ARAP1: variants seen among roughly 807,000 people sequenced by gnomAD.
The protein encoded by ARAP1 is arf-GAP with Rho-GAP domain, ANK repeat and PH domain-containing protein 1.
In ARAP1, 76 loss-of-function variants were observed where a neutral mutation model predicts 172.2. The observed-to-expected ratio is 0.44, with a 90% CI of 0.37 to 0.53. The LOEUF is 0.53. Ranked by LOEUF, ARAP1 falls within the 20% of genes least tolerant of loss-of-function variation. The pLI is 0.00. For missense variants in ARAP1, 1,686 were observed against 1,977.5 expected, an observed-to-expected ratio of 0.85 and a Z score of 2.80; for synonymous variants, 804 against 803.3, an observed-to-expected ratio of 1.00 and a Z score of -0.01.
intron 3 of ARAP1, among the ~76,000 whole-genome samples, chr11:72,716,861 G>A (rs1158246445): frequency 2.6e-5 from 4 of 152,166 alleles, no homozygotes; most frequent in Admixed American, 6.5e-5. Context: ...CCTACCCAAC[G>A]GGCCTCTCTG....
At chr11:72,733,980 C>T (rs1211036945) in intron 1 of ARAP1, among the ~76,000 whole-genome samples, 1 of 152,008 alleles carries the variant, frequency 6.6e-6, no homozygotes, top group Non-Finnish European at 1.5e-5. Flanking sequence ...TGCGTATCAC[C>T]ATGCCCAGCT....
In ARAP1 at chr11:72,725,674, T is replaced by C. The variant is rs575684241; in HGVS notation, c.509+946A>G. 1.1e-3 allele frequency among the ~76,000 whole-genome samples: 172 copies of C among 152,168 alleles called. No homozygotes were observed. Among genetic ancestry groups the C allele is most frequent in the Non-Finnish European group, 1.9e-3 (128 of 67,990 alleles). ...TCCAGCCAGGGCCCCCTCCCTGCTC[T>C]CCCTCTGATTTGTTCATGTCCTGCT... is the stretch of plus-strand genomic sequence containing the variant. On this transcript the variant is annotated intron_variant, in intron 3 of 34. Transcript: ENST00000393609. This position sits in a 1 kb window ranked among gnomAD's most constrained non-coding sequence, Gnocchi z 4.3.
At chr11:72,749,241 C>T (rs1174645741) in intron 1 of ARAP1, among the ~76,000 whole-genome samples, 1 of 152,220 alleles carries the variant, frequency 6.6e-6, no homozygotes, top group Non-Finnish European at 1.5e-5. Context: ...ACAAAGGAGG[C>T]AATGAACACC....
chr11:72,696,457 G>A, intron 23 of ARAP1, 92 bp downstream of exon 23: 1 of 1,045,290 alleles, frequency 9.6e-7, no homozygotes, highest in Non-Finnish European at 1.4e-6. Flanking sequence ...CAAAAGCCCA[G>A]CTGGCTCCCA....
Position 72,726,509 on chromosome 11 carries a change from CT to C in ARAP1, c.509+110del, listed in dbSNP as rs1857695474. 3 of 1,349,638 alleles carry C rather than the reference CT, an allele frequency of 2.2e-6. No individual in the cohort carries two copies. Among genetic ancestry groups the C allele is most frequent in the African/African-American group, 1.5e-5 (1 of 67,916 alleles). 83.6% of individuals were successfully genotyped at this position (1,349,638 alleles called of 1,614,324 possible). On this transcript the variant is annotated intron_variant, in intron 3 of 34. Coordinates refer to ENST00000393609, the MANE Select transcript of ARAP1 (RefSeq NM_001040118.3). The surrounding 1 kb of genome is among the most constrained non-coding windows in gnomAD (Gnocchi z 6.5). ...CCGAGCTTTGCACACGCTGTTCCCC[CT>C]GCACTTCCGAAGTGCCTTTCTTACC...
rs1448439414 is a variant in ARAP1, at chr11:72,697,202, A to T, written c.2954-7T>A. 6.6e-7 allele frequency: 1 copy of T among 1,505,196 alleles called. No homozygotes were observed. Among genetic ancestry groups the T allele is most frequent in the Non-Finnish European group, 8.9e-7 (1 of 1,126,232 alleles). 93.2% of individuals were successfully genotyped at this position (1,505,196 alleles called of 1,614,324 possible). A position where few individuals can be genotyped will look rare whatever the true frequency, so the allele number is the denominator to read the frequency against. ...ATGCCCTCGGAGGTCAGGCCTAGGG[A>T]GGGGCGGGGCCAAGCGTTCGGGGCC... On this transcript the variant is annotated splice_polypyrimidine_tract_variant and splice_region_variant and intron_variant, in intron 21 of 34. Coordinates refer to ENST00000393609, the MANE Select transcript of ARAP1 (RefSeq NM_001040118.3).
At chr11:72,749,587 A>T (rs1858474548) in intron 1 of ARAP1, among the ~76,000 whole-genome samples, 1 of 152,128 alleles carries the variant, frequency 6.6e-6, no homozygotes, top group African/African-American at 2.4e-5. Flanking sequence ...CTCAACAAAG[A>T]ATGTTCCCTC....
chr11:72,692,625 C>T lies in ARAP1; in HGVS notation c.3987+128G>A, dbSNP rs767419453. ...GCCCCAGGATAGGGGCCAGTGCCAACGGGCAAGGGGGCAGGGATCCATGCC... is the reference window on the plus strand; with the variant it reads ...GCCCCAGGATAGGGGCCAGTGCCAATGGGCAAGGGGGCAGGGATCCATGCC... On this transcript the variant is annotated intron_variant, in intron 30 of 34. Transcript: ENST00000393609. 46 of 1,275,724 alleles carry T rather than the reference C, an allele frequency of 3.6e-5. 1 individual carries two copies. Among genetic ancestry groups the T allele is most frequent in the African/African-American group, 1.3e-4 (9 of 68,046 alleles). The allele number at this position is 1,275,724 out of a possible 1,614,324, so 79.0% of individuals were successfully genotyped here.
chr11:72,716,503 T>A (rs765931066), intron 3 of ARAP1, among the ~76,000 whole-genome samples: 2 of 152,264 alleles, frequency 1.3e-5, no homozygotes, highest in Non-Finnish European at 2.9e-5. Flanking sequence ...AGGAACAGCA[T>A]CTGGACGGAG....
chr11:72,688,438 G>T lies in ARAP1; in HGVS notation c.4070+17C>A. 1 of 1,607,966 alleles carries T rather than the reference G, an allele frequency of 6.2e-7. No individual in the cohort carries two copies. The highest frequency in any genetic ancestry group is 8.5e-7 in the Non-Finnish European group (1 of 1,176,656). On this transcript the variant is annotated intron_variant, in intron 31 of 34. Coordinates refer to ENST00000393609, the MANE Select transcript of ARAP1 (RefSeq NM_001040118.3). ...ATAAGCCCCAGTAGCAGGCCTATCT[G>T]CCCAGTCCCAGCTTACCAGGTGGGT...
intron 12 of ARAP1, among the ~76,000 whole-genome samples, chr11:72,706,154 T>G (rs561917604): frequency 4.1e-4 from 62 of 152,288 alleles, no homozygotes; most frequent in African/African-American, 1.5e-3. Flanking sequence ...TGCAGGCCAC[T>G]CTTAACAAAG....
At chr11:72,686,784 C>T (rs1291797358) in intron 33 of ARAP1, among the ~76,000 whole-genome samples, 1 of 152,116 alleles carries the variant, frequency 6.6e-6, no homozygotes, top group Non-Finnish European at 1.5e-5. Context: ...TCCCACTGCC[C>T]GACGCTGCAC....
At position 72,695,636 on chromosome 11, in the gene ARAP1, G is replaced by A; in HGVS notation, c.3421-8C>T. ...GAGCTCTTCCTCATCCACCTGGGAA[G>A]GGGCGAGAGGCAGGGACAGGTGGTC... On this transcript the variant is annotated splice_region_variant and splice_polypyrimidine_tract_variant and intron_variant, in intron 24 of 34. Coordinates refer to ENST00000393609, the MANE Select transcript of ARAP1 (RefSeq NM_001040118.3). This position sits in a 1 kb window ranked among gnomAD's most constrained non-coding sequence, Gnocchi z 4.4. The A allele has an allele frequency of 6.2e-7, 1 of 1,614,048 alleles. No homozygotes were observed. The highest frequency in any genetic ancestry group is 1.3e-5 in the African/African-American group (1 of 75,062).
chr11:72,685,787 G>A, intron 34 of ARAP1, 106 bp from the exon 35 acceptor site: 1 of 1,500,758 alleles, frequency 6.7e-7, no homozygotes, highest in Non-Finnish European at 9.2e-7. Flanking sequence ...TGCCAGCCGG[G>A]GAGCACTCCA....
rs1434066129 is a variant in ARAP1, at chr11:72,693,456, C to T, written c.3823G>A (p.Asp1275Asn). 1 of 1,613,178 alleles carries T rather than the reference C, an allele frequency of 6.2e-7. No individual in the cohort carries two copies. Among genetic ancestry groups the T allele is most frequent in the Non-Finnish European group, 8.5e-7 (1 of 1,179,362 alleles). Residue 1275 changes from aspartate to asparagine, a missense_variant, in exon 29 of 35, where the codon GAC becomes AAC. Physicochemically the swap from Asp to Asn is conservative, Grantham distance 23. Transcript: ENST00000393609. The surrounding 1 kb of genome is among the most constrained non-coding windows in gnomAD (Gnocchi z 4.6). ...AACTTCATCATGCCATGCTTGGTGT[C>T]ACCGACACGGCTGGCTGGGGGGTGG... ...MLLYLASRVG[D>N]TKHGMMKFRE...
chr11:72,709,023 C>A (rs1591201970), intron 11 of ARAP1, among the ~76,000 whole-genome samples: 1 of 148,360 alleles, frequency 6.7e-6, no homozygotes, highest in South Asian at 2.1e-4. Flanking sequence ...GGAGACAGAG[C>A]CTAAGACTCT....
intron 1 of ARAP1, among the ~76,000 whole-genome samples, chr11:72,744,033 T>A (rs1349737780): frequency 6.6e-6 from 1 of 152,058 alleles, no homozygotes; most frequent in Non-Finnish European, 1.5e-5. Flanking sequence ...GCTTACCCGG[T>A]TCCCTTTGCC....
chr11:72,687,993 GTTTTTTTGTTGTTGT>G (rs1188428012), intron 31 of ARAP1, among the ~76,000 whole-genome samples: 1 of 102,282 alleles, frequency 9.8e-6, no homozygotes, highest in Non-Finnish European at 2.2e-5. Flanking sequence ...GAGAATTTGT[GTTTTTTTGTTGTTGT>G]TTTTTTTTTG....
intron 12 of ARAP1, 70 bp from the exon 13 acceptor site, chr11:72,705,960 T>TAGACACTGGGG: frequency 4.0e-6 from 6 of 1,516,174 alleles, no homozygotes; most frequent in African/African-American, 1.4e-5. Flanking sequence ...CCACCCCCAG[T>TAGACACTGGGG]GTCTACTGGG....
Sources: gnomAD v4.1 joint callset for allele counts (sites outside exome capture counted in the v4.1 genomes callset) on GRCh38, gnomAD v4.1.1 for gene constraint, Gnocchi (gnomAD v3.1) non-coding constraint, MANE v1.5 for transcripts, NCBI Gene and HGNC (gene_info 2026-07-23, HGNC 2026-07-21) for gene names.